The following SLCO4A1 variants were observed in gnomAD, a reference collection of about 807,000 sequenced individuals.
The protein encoded by SLCO4A1 is solute carrier organic anion transporter family member 4A1, also known as colon organic anion transporter.
A neutral mutation model predicts 64.6 loss-of-function variants in SLCO4A1; 51 were observed. The ratio of observed to expected loss-of-function variants is 0.79; its 90% CI spans 0.63 to 1.00. SLCO4A1 has a LOEUF of 1.00. Ranked by LOEUF, SLCO4A1 falls within the 50% of genes least tolerant of loss-of-function variation. The pLI, the probability that SLCO4A1 is intolerant of heterozygous loss-of-function variation, is 0.00. For missense variants in SLCO4A1, 919 were observed against 980.5 expected (o/e 0.94, Z 0.84); for synonymous variants, 471 against 444.9 (o/e 1.06, Z -0.74).
Position 62,661,042 on chromosome 20 carries a change from A to AGCCCCAGCTCAC in SLCO4A1, c.1010-20_1010-19insCCCAGCTCACGC. 3.8e-6 allele frequency: 1 copy of AGCCCCAGCTCAC among 266,410 alleles called. No individual in the cohort carries two copies. The highest frequency in any genetic ancestry group is 5.0e-5 in the Admixed American group (1 of 19,810). The allele number at this position is 266,410 out of a possible 1,614,324, so 16.5% of individuals were successfully genotyped here. ...CCGGGAGCCCCCAGCCCCCAGCCCCAGCTCACTCTGTGCCCTTCCAGGCTC... is the reference window on the plus strand; with the variant it reads ...CCGGGAGCCCCCAGCCCCCAGCCCCAGCCCCAGCTCACGCTCACTCTGTGCCCTTCCAGGCTC... On this transcript the variant is annotated intron_variant, in intron 4 of 11. Coordinates refer to ENST00000217159, the MANE Select transcript of SLCO4A1 (RefSeq NM_016354.4). This position sits in a 1 kb window ranked among gnomAD's most constrained non-coding sequence, Gnocchi z 5.2.
chr20:62,650,441 A>G (rs1163592398), intron 1 of SLCO4A1: 2 of 152,248 alleles, frequency 1.3e-5, no homozygotes, highest in Non-Finnish European at 2.9e-5. Flanking sequence ...CAGCTTATCC[A>G]TAATGGGCCT....
intron 1 of SLCO4A1, among the ~76,000 whole-genome samples, chr20:62,647,938 G>T (rs1388541387): frequency 6.6e-6 from 1 of 152,262 alleles, no homozygotes; most frequent in Admixed American, 6.5e-5. Context: ...TCCCGGAGAT[G>T]CAGCTGACTG....
intron 3 of SLCO4A1, among the ~76,000 whole-genome samples, chr20:62,659,261 G>A (rs1984336192): frequency 6.6e-6 from 1 of 152,088 alleles, no homozygotes; most frequent in Non-Finnish European, 1.5e-5. Flanking sequence ...GGCAGAGAGA[G>A]ACAGAGACAG....
downstream of SLCO4A1, among the ~76,000 whole-genome samples, chr20:62,688,634 G>A (rs1319341850): frequency 6.6e-6 from 1 of 152,250 alleles, no homozygotes; most frequent in Non-Finnish European, 1.5e-5. Context: ...CTGGGTGAGA[G>A]CAGGGCTCCA....
downstream of SLCO4A1, among the ~76,000 whole-genome samples, chr20:62,689,345 T>C (rs1415291500): frequency 1.5e-5 from 2 of 129,864 alleles, no homozygotes; most frequent in African/African-American, 5.7e-5. Context: ...GCCTGTCTCT[T>C]GGGCAGAGTG....
chr20:62,671,610 C>G, intron 11 of SLCO4A1, 140 bp from the exon 12 acceptor site: 1 of 729,830 alleles, frequency 1.4e-6, no homozygotes. Context: ...GAAAGATACC[C>G]TCTCAGAGCA....
intron 1 of SLCO4A1, among the ~76,000 whole-genome samples, chr20:62,653,439 C>CTTTATTAAAAGG (rs1982991654): frequency 6.6e-6 from 1 of 152,214 alleles, no homozygotes; most frequent in Non-Finnish European, 1.5e-5. Context: ...GAAGTTGCCC[C>CTTTATTAAAAGG]TTTATTAAAA....
intron 1 of SLCO4A1, among the ~76,000 whole-genome samples, chr20:62,655,594 G>A (rs542239414): frequency 3.3e-5 from 5 of 152,276 alleles, no homozygotes; most frequent in African/African-American, 1.2e-4. Context: ...GTGGGGCAGG[G>A]GCAGCGCAGG....
Position 62,656,579 on chromosome 20 carries a change from G to A in SLCO4A1, c.125G>A (p.Gly42Asp). The A allele has an allele frequency of 1.9e-6, 3 of 1,589,134 alleles. No homozygotes were observed. Among genetic ancestry groups the A allele is most frequent in the East Asian group, 2.3e-5 (1 of 43,552 alleles). Reference protein sequence around the residue: ...RASPGTPLSPGSLRSAAHSPL... With the variant: ...RASPGTPLSPDSLRSAAHSPL... ...TCCCCGGGCACACCCCTGAGCCCCG[G>A]CTCCCTCCGCTCCGCTGCCCATAGC... Residue 42 changes from glycine (G) to aspartate (D), a missense_variant, in exon 2 of 12, where the codon GGC (glycine) becomes GAC (aspartate). Coordinates refer to ENST00000217159, the MANE Select transcript of SLCO4A1 (RefSeq NM_016354.4).
At chr20:62,668,369 G>C (rs914170312) in intron 9 of SLCO4A1, 108 bp from the exon 10 acceptor site, 27 of 1,313,262 alleles carry the variant, frequency 2.1e-5, no homozygotes, top group Non-Finnish European at 2.6e-5. Flanking sequence ...CACTTGGGGG[G>C]GGGTGATGAT....
At position 62,643,077 on chromosome 20, in the gene SLCO4A1, G is replaced by A. The variant is rs745639486; in HGVS notation, c.-97+524G>A. 3 of 467,726 alleles carry A rather than the reference G, an allele frequency of 6.4e-6. No individual in the cohort carries two copies. In the Middle Eastern group the frequency reaches 9.9e-4, roughly 154 times the overall value. 29.0% of individuals were successfully genotyped at this position (467,726 alleles called of 1,614,324 possible). A position where few individuals can be genotyped will look rare whatever the true frequency, so the allele number is the denominator to read the frequency against. On this transcript the variant is annotated intron_variant, in intron 1 of 11. Transcript: ENST00000217159. ...TCATGCACGGAAGTTTCTCGGGGGC[G>A]GCCGGGCTTTGTTCGCGCCAGAGGC... is the stretch of plus-strand genomic sequence containing the variant.
intron 5 of SLCO4A1, 134 bp from the exon 6 acceptor site, chr20:62,664,800 A>T (rs925352353): frequency 9.6e-7 from 1 of 1,039,540 alleles, no homozygotes; most frequent in African/African-American, 1.6e-5. Flanking sequence ...GGTCTGGCCC[A>T]CTCTGACCCT....
At position 62,660,871 on chromosome 20, in the gene SLCO4A1, C is replaced by T. The variant is rs554828817; in HGVS notation, c.1010-193C>T. Among the ~76,000 whole-genome samples the T allele has an allele frequency of 3.7e-4, 56 of 152,262 alleles. No individual in the cohort carries two copies. The East Asian group carries it at 9.5e-3, about 26-fold the overall frequency. On this transcript the variant is annotated intron_variant, in intron 4 of 11. Coordinates refer to ENST00000217159, the MANE Select transcript of SLCO4A1 (RefSeq NM_016354.4). ...CCCAGCTCTCCCACACCTCCAAACC[C>T]GGCTTGTGCTGCATTCTCACGTGGT...
In SLCO4A1 at chr20:62,661,040, C is replaced by CCCCCCCCCCCCCCCCCCA; in HGVS notation, c.1010-23_1010-22insCCCCCCCCCCCCCCCCAC. ...CTCCGGGAGCCCCCAGCCCCCAGCC[C>CCCCCCCCCCCCCCCCCCA]CAGCTCACTCTGTGCCCTTCCAGGC... On this transcript the variant is annotated intron_variant, in intron 4 of 11. Coordinates refer to ENST00000217159, the MANE Select transcript of SLCO4A1 (RefSeq NM_016354.4). This position sits in a 1 kb window ranked among gnomAD's most constrained non-coding sequence, Gnocchi z 5.2. 20 of 1,395,896 alleles carry CCCCCCCCCCCCCCCCCCA rather than the reference C, an allele frequency of 1.4e-5. No individual in the cohort carries two copies. Among genetic ancestry groups the CCCCCCCCCCCCCCCCCCA allele is most frequent in the Non-Finnish European group, 1.8e-5 (18 of 984,504 alleles). The allele number at this position is 1,395,896 out of a possible 1,614,324, so 86.5% of individuals were successfully genotyped here. A position where few individuals can be genotyped will look rare whatever the true frequency, so the allele number is the denominator to read the frequency against.
intron 11 of SLCO4A1, among the ~76,000 whole-genome samples, chr20:62,670,398 A>G (rs1014445721): frequency 6.6e-6 from 1 of 152,194 alleles, no homozygotes; most frequent in Non-Finnish European, 1.5e-5. Flanking sequence ...CACATCCCCC[A>G]TCACCATATC....
At chr20:62,646,115 G>A (rs1395033666) in intron 1 of SLCO4A1, among the ~76,000 whole-genome samples, 2 of 152,182 alleles carry the variant, frequency 1.3e-5, no homozygotes, top group Non-Finnish European at 2.9e-5. Context: ...AGCTCCCCGA[G>A]GGCCCTTCTG....
intron 1 of SLCO4A1, among the ~76,000 whole-genome samples, chr20:62,647,643 C>T (rs932144405): frequency 2.0e-5 from 3 of 152,264 alleles, no homozygotes; most frequent in African/African-American, 4.8e-5. Context: ...GTCCTTTCCA[C>T]GCACTGCGCT....
intron 4 of SLCO4A1, among the ~76,000 whole-genome samples, chr20:62,660,826 C>T (rs1984646695): frequency 6.6e-6 from 1 of 152,204 alleles, no homozygotes; most frequent in Non-Finnish European, 1.5e-5. Flanking sequence ...TCCCCTCCTT[C>T]CCCCAGCCCC....
chr20:62,665,112 T>A, intron 6 of SLCO4A1, 24 bp downstream of exon 6: 1 of 1,591,376 alleles, frequency 6.3e-7, no homozygotes, highest in Non-Finnish European at 8.5e-7. Context: ...ATCTTGGGGG[T>A]CCTCTGCTTT....
Sources: gnomAD v4.1 joint callset for allele counts (sites outside exome capture counted in the v4.1 genomes callset) on GRCh38, gnomAD v4.1.1 for gene constraint, Gnocchi (gnomAD v3.1) non-coding constraint, MANE v1.5 for transcripts, NCBI Gene and HGNC (gene_info 2026-07-23, HGNC 2026-07-21) for gene names.